The following MRPS11 variants were observed in gnomAD, a reference collection of about 807,000 sequenced individuals.
The protein encoded by MRPS11 is small ribosomal subunit protein uS11m.
In MRPS11, 27 loss-of-function variants were observed where a neutral mutation model predicts 24.3. The observed-to-expected ratio is 1.11, with a 90% CI of 0.82 to 1.53. The LOEUF is 1.53. Ranked by LOEUF, MRPS11 falls within the 40% of genes most tolerant of loss-of-function variation. The pLI is 0.00. For missense variants in MRPS11, 277 were observed against 256.5 expected (o/e 1.08, Z -0.55); for synonymous variants, 104 against 98.7 (o/e 1.05, Z -0.32).
At position 88,468,132 on chromosome 15, in the gene MRPS11, G is replaced by C. The variant is rs1454889024; in HGVS notation, c.182+108G>C. 1.0e-5 allele frequency: 15 copies of C among 1,484,670 alleles called. No individual in the cohort carries two copies. The South Asian group carries it at 1.9e-4, about 18-fold the overall frequency. 92.0% of individuals were successfully genotyped at this position (1,484,670 alleles called of 1,614,324 possible). On this transcript the variant is annotated intron_variant, in intron 2 of 5. Transcript: ENST00000325844. ...TTTTCAGCTATGTCACTTGCTATCCGTGGGACCTTATGCAAATAAATCTGA... is the reference window on the plus strand; with the variant it reads ...TTTTCAGCTATGTCACTTGCTATCCCTGGGACCTTATGCAAATAAATCTGA...
chr15:88,472,854 T>C, intron 3 of MRPS11, 129 bp downstream of exon 3: 1 of 637,234 alleles, frequency 1.6e-6, no homozygotes, highest in Non-Finnish European at 2.7e-6. Context: ...ATGGCGCTAA[T>C]GTAGGGCACC....
intron 2 of MRPS11, among the ~76,000 whole-genome samples, chr15:88,471,442 C>T (rs1598291961): frequency 1.3e-5 from 2 of 152,154 alleles, no homozygotes; most frequent in Admixed American, 1.3e-4. Context: ...TGGGTACAAA[C>T]ATGAATCTGA....
intron 3 of MRPS11, among the ~76,000 whole-genome samples, chr15:88,473,672 G>T (rs1056538824): frequency 6.6e-6 from 1 of 152,100 alleles, no homozygotes; most frequent in Admixed American, 6.6e-5. Flanking sequence ...TCTGGTAGGG[G>T]GAATGTCAGA....
rs747607686 is a variant in MRPS11, at chr15:88,467,944, CA to C, written c.103del (p.Thr35GlnfsTer39). The stretch of plus-strand genomic sequence containing the variant: ...CCAGAACGCCGGCCGGGACCATCTG[CA>C]CAGGCGCTCGACAGCTCCAAGACGC... ...VARTPAGTICTGARQLQDAAA... is the reference protein window; with the variant it reads ...VARTPAGTICXGARQLQDAAA... On this transcript the variant is annotated frameshift_variant, in exon 2 of 6. Coordinates refer to ENST00000325844, the MANE Select transcript of MRPS11 (RefSeq NM_022839.5). LOFTEE classifies it high-confidence loss of function. 1.9e-6 allele frequency: 3 copies of C among 1,613,488 alleles called. No individual in the cohort carries two copies. The highest frequency in any genetic ancestry group is 2.2e-5 in the South Asian group (2 of 91,014).
At chr15:88,470,580 T>G (rs574950669) in intron 2 of MRPS11, among the ~76,000 whole-genome samples, 8 of 152,296 alleles carry the variant, frequency 5.3e-5, no homozygotes, top group African/African-American at 1.9e-4. Context: ...GAACATTTGT[T>G]TTTTAATTTG....
chr15:88,473,579 A>G (rs531466026), intron 3 of MRPS11, among the ~76,000 whole-genome samples: 1 of 152,352 alleles, frequency 6.6e-6, no homozygotes, highest in South Asian at 2.1e-4. Context: ...TTAAGTGTCT[A>G]TGGTCTACTC....
rs142015192 is a variant in MRPS11 at position 88,469,747 on chromosome 15, C to T, written c.182+1723C>T. ...CAGTTAGAAGACTATTGAAATAATC[C>T]AGACAAGAAACAATGGTGGCTTGGA... On this transcript the variant is annotated intron_variant, in intron 2 of 5. Transcript: ENST00000325844. The surrounding 1 kb of genome is among the most constrained non-coding windows in gnomAD (Gnocchi z 4.4). 2.2e-3 allele frequency among the ~76,000 whole-genome samples: 332 copies of T among 152,266 alleles called. 4 individuals carry two copies. The Middle Eastern group carries it at 0.024, about 11-fold the overall frequency.
chr15:88,476,274 C>T (rs1188366076), intron 4 of MRPS11, among the ~76,000 whole-genome samples: 1 of 152,120 alleles, frequency 6.6e-6, no homozygotes, highest in South Asian at 2.1e-4. Flanking sequence ...GTTCACTGAT[C>T]GGAACCCAGA....
In MRPS11 at chr15:88,468,031, C is replaced by T; in HGVS notation, c.182+7C>T. On this transcript the variant is annotated splice_region_variant and intron_variant, in intron 2 of 5. Transcript: ENST00000325844. ...CCAGCCACACCAAGTTCAGGTGAGCCCCACTTGGACCAGCCCTCTGGAGAC... is the reference window on the plus strand; with the variant it reads ...CCAGCCACACCAAGTTCAGGTGAGCTCCACTTGGACCAGCCCTCTGGAGAC... 1 of 1,596,478 alleles carries T rather than the reference C, an allele frequency of 6.3e-7. No homozygotes were observed.
intron 2 of MRPS11, among the ~76,000 whole-genome samples, chr15:88,471,629 C>G (rs2055705577): frequency 6.6e-6 from 1 of 152,202 alleles, no homozygotes; most frequent in Non-Finnish European, 1.5e-5. Flanking sequence ...CTATTGGTAC[C>G]TAATTTTCAC....
chr15:88,471,854 C>G (rs756773937), intron 2 of MRPS11, among the ~76,000 whole-genome samples: 1 of 152,334 alleles, frequency 6.6e-6, no homozygotes, highest in Middle Eastern at 3.4e-3. Flanking sequence ...GATTTCCATA[C>G]CCCATCCAGA....
Position 88,477,079 on chromosome 15 carries a change from G to A in MRPS11, c.477+25G>A. On this transcript the variant is annotated intron_variant, in intron 5 of 5. Transcript: ENST00000325844. The surrounding 1 kb of genome is among the most constrained non-coding windows in gnomAD (Gnocchi z 5.7). ...GGTAAGTTACAGTGATTTCCATAGT[G>A]TACTTGCCTCCTAGTAAGTGTGAGA... 2 of 1,610,710 alleles carry A rather than the reference G, an allele frequency of 1.2e-6. No individual in the cohort carries two copies. Among genetic ancestry groups the A allele is most frequent in the South Asian group, 1.1e-5 (1 of 90,592 alleles).
chr15:88,478,058 T>A lies in MRPS11; in HGVS notation c.*79T>A. The A allele has an allele frequency of 8.7e-7, 1 of 1,145,776 alleles. No individual in the cohort carries two copies. The highest frequency in any genetic ancestry group is 2.0e-4 in the Middle Eastern group (1 of 5,114). 71.0% of individuals were successfully genotyped at this position (1,145,776 alleles called of 1,614,324 possible). A position where few individuals can be genotyped will look rare whatever the true frequency, so the allele number is the denominator to read the frequency against. ...CTTGTAAAATGCTCCCTGTCAGAGC[T>A]CTCCAGAATATGCTTGTTGGAGATC... On this transcript the variant is annotated 3_prime_UTR_variant, in exon 6 of 6. Transcript: ENST00000325844. This position sits in a 1 kb window ranked among gnomAD's most constrained non-coding sequence, Gnocchi z 4.7.
At position 88,475,788 on chromosome 15, in the gene MRPS11, C is replaced by A. The variant is rs181646573; in HGVS notation, c.411+549C>A. On this transcript the variant is annotated intron_variant, in intron 4 of 5. Transcript: ENST00000325844. This position sits in a 1 kb window ranked among gnomAD's most constrained non-coding sequence, Gnocchi z 4.1. The stretch of plus-strand genomic sequence containing the variant: ...CCTGGCCAACATGGTGAAACCCCAT[C>A]TCTACTAAAAATAGAAAAATTAGCT... 3.3e-5 allele frequency among the ~76,000 whole-genome samples: 5 copies of A among 152,076 alleles called. No individual in the cohort carries two copies. The highest frequency in any genetic ancestry group is 7.4e-5 in the Non-Finnish European group (5 of 68,024).
In MRPS11 at chr15:88,478,027, T is replaced by C; in HGVS notation, c.*48T>C. ...ACCTGACCTCAAGCCTCAGCTCCAGTGGGACCTTGTAAAATGCTCCCTGTC... is the reference window on the plus strand; with the variant it reads ...ACCTGACCTCAAGCCTCAGCTCCAGCGGGACCTTGTAAAATGCTCCCTGTC... On this transcript the variant is annotated 3_prime_UTR_variant, in exon 6 of 6. Coordinates refer to ENST00000325844, the MANE Select transcript of MRPS11 (RefSeq NM_022839.5). This position sits in a 1 kb window ranked among gnomAD's most constrained non-coding sequence, Gnocchi z 4.7. The C allele has an allele frequency of 6.9e-7, 1 of 1,456,954 alleles. No individual in the cohort carries two copies. Among genetic ancestry groups the C allele is most frequent in the Non-Finnish European group, 9.6e-7 (1 of 1,037,256 alleles). 90.3% of individuals were successfully genotyped at this position (1,456,954 alleles called of 1,614,324 possible). A position where few individuals can be genotyped will look rare whatever the true frequency, so the allele number is the denominator to read the frequency against.
rs147829843 is a variant in MRPS11, at chr15:88,477,968, C to T, written c.574C>T (p.Arg192Trp). Residue 192 changes from arginine to tryptophan, a missense_variant, in exon 6 of 6, where the codon CGG becomes TGG. Transcript: ENST00000325844. The surrounding 1 kb of genome is among the most constrained non-coding windows in gnomAD (Gnocchi z 5.7). ...CAACGGCTGCCGCCCCAGGAAGGCT[C>T]GGAAGCTGTGATGGGAAGGAGGCCT... ...PHNGCRPRKA[R>W]KL 23 of 1,613,968 alleles carry T rather than the reference C, an allele frequency of 1.4e-5. No individual in the cohort carries two copies. Among genetic ancestry groups the T allele is most frequent in the African/African-American group, 8.0e-5 (6 of 74,930 alleles).
At chr15:88,470,666 T>C (rs2055677587) in intron 2 of MRPS11, among the ~76,000 whole-genome samples, 1 of 152,186 alleles carries the variant, frequency 6.6e-6, no homozygotes, top group African/African-American at 2.4e-5. Flanking sequence ...GAATTGCCTA[T>C]TATATTTAGT....
chr15:88,472,164 T>A (rs1312098745), intron 2 of MRPS11: 1 of 153,994 alleles, frequency 6.5e-6, no homozygotes, highest in Non-Finnish European at 1.4e-5. Flanking sequence ...TGTCCTTTAT[T>A]CTAGGGGATT....
In MRPS11 at chr15:88,479,198, A is replaced by G. The variant is rs1161240346; in HGVS notation, c.*1219A>G. On this transcript the variant is annotated 3_prime_UTR_variant, in exon 6 of 6. Coordinates refer to ENST00000325844, the MANE Select transcript of MRPS11 (RefSeq NM_022839.5). Reference sequence around the variant, plus strand: ...CTGACTGCTCCTCTGTTGGGGCTCTAGGGTTCCTGGATACGGCACAGAGGC... The same window carrying G: ...CTGACTGCTCCTCTGTTGGGGCTCTGGGGTTCCTGGATACGGCACAGAGGC... The G allele has an allele frequency of 6.6e-6, 1 of 152,176 alleles. No individual in the cohort carries two copies. Among genetic ancestry groups the G allele is most frequent in the Non-Finnish European group, 1.5e-5 (1 of 68,076 alleles). The allele number at this position is 152,176 out of a possible 1,614,324, so 9.4% of individuals were successfully genotyped here. A position where few individuals can be genotyped will look rare whatever the true frequency, so the allele number is the denominator to read the frequency against.
Sources: allele counts gnomAD v4.1 joint callset (sites outside exome capture counted in the v4.1 genomes callset), GRCh38; gene constraint gnomAD v4.1.1; non-coding constraint Gnocchi (gnomAD v3.1); transcripts MANE v1.5; gene names NCBI Gene and HGNC (gene_info 2026-07-23, HGNC 2026-07-21).